Variants in ANXA10 observed in about 807,000 individuals in gnomAD.
The protein encoded by ANXA10 is annexin A10.
Under a neutral mutation model 53.5 loss-of-function variants are expected in ANXA10, and 49 were observed. The ratio of observed to expected loss-of-function variants is 0.92; its 90% confidence interval spans 0.73 to 1.16. The LOEUF (loss-of-function observed/expected upper bound fraction) is 1.16. Among genes scored for constraint, ANXA10 ranks in the 50% most tolerant of loss-of-function variants. The pLI, the probability that ANXA10 is intolerant of heterozygous loss-of-function variation, is 0.00. For synonymous variants in ANXA10, 131 were observed against 128.9 expected (o/e 1.02, Z -0.11); for missense variants, 393 against 394.4 (o/e 1.00, Z 0.03).
intron 1 of ANXA10, among the ~76,000 whole-genome samples, chr4:168,120,663 T>A (rs1286785882): frequency 1.3e-5 from 2 of 152,048 alleles, no homozygotes; most frequent in African/African-American, 2.4e-5. Context: ...TGTGGGAGGT[T>A]CAATATCCTC....
intron 6 of ANXA10, among the ~76,000 whole-genome samples, chr4:168,166,432 AT>A (rs957052575): frequency 5.3e-5 from 8 of 152,342 alleles, no homozygotes; most frequent in East Asian, 1.9e-4. Context: ...TACAAATAAT[AT>A]TTTTAAAGAT....
intron 6 of ANXA10, among the ~76,000 whole-genome samples, chr4:168,176,575 G>A (rs903027330): frequency 7.2e-5 from 11 of 152,082 alleles, no homozygotes; most frequent in Admixed American, 1.3e-4. Flanking sequence ...ATCAGGAACC[G>A]GTAAGAAATT....
At chr4:168,110,417 G>A (rs1730789543) in intron 1 of ANXA10, among the ~76,000 whole-genome samples, 1 of 150,060 alleles carries the variant, frequency 6.7e-6, no homozygotes, top group Non-Finnish European at 1.5e-5. Context: ...TATTAACGAT[G>A]CTACAACATT....
At chr4:168,139,657 T>C in intron 3 of ANXA10, 77 bp downstream of exon 3, 1 of 1,085,980 alleles carries the variant, frequency 9.2e-7, no homozygotes, top group East Asian at 2.5e-5. Flanking sequence ...ATAGGTATTT[T>C]TTTTTTCAAT....
intron 1 of ANXA10, among the ~76,000 whole-genome samples, chr4:168,101,586 C>A (rs1156411243): frequency 6.6e-6 from 1 of 151,858 alleles, no homozygotes; most frequent in East Asian, 1.9e-4. Context: ...TTATTCCAGC[C>A]CTAGAATTAA....
intron 3 of ANXA10, among the ~76,000 whole-genome samples, chr4:168,160,412 T>C (rs889294991): frequency 1.3e-5 from 2 of 152,176 alleles, no homozygotes; most frequent in Non-Finnish European, 2.9e-5. Flanking sequence ...AATAGCTGCA[T>C]AGTATTCCAT....
chr4:168,154,474 A>T (rs1365931452), intron 3 of ANXA10, among the ~76,000 whole-genome samples: 1 of 152,184 alleles, frequency 6.6e-6, no homozygotes, highest in Non-Finnish European at 1.5e-5. Flanking sequence ...AAATATAATA[A>T]ACGCAAAGAT....
At chr4:168,187,284 T>C (rs1732388644) in intron 11 of ANXA10, 82 bp from the exon 12 acceptor site, 7 of 859,764 alleles carry the variant, frequency 8.1e-6, no homozygotes, top group African/African-American at 5.2e-5. Context: ...GGCTCTTTCA[T>C]AGTGCAGTCC....
Position 168,165,251 on chromosome 4 carries a change from C to A in ANXA10, c.405C>A (p.Tyr135Ter). The A allele has an allele frequency of 6.4e-7, 1 of 1,566,490 alleles. No homozygotes were observed. Among genetic ancestry groups the A allele is most frequent in the Non-Finnish European group, 8.7e-7 (1 of 1,143,354 alleles). ...TTAACATGTTTTCTTATACAGAATACAGCAATAACCTCCAAGAGGACATTT... is the reference window on the plus strand; with the variant it reads ...TTAACATGTTTTCTTATACAGAATAAAGCAATAACCTCCAAGAGGACATTT... ...FQMREAYCLQ[Y>*]SNNLQEDIYS... Residue 135 changes from tyrosine to a stop codon, truncating the protein, a stop_gained, in exon 6 of 12, where the codon TAC becomes TAA. Coordinates refer to ENST00000359299, the MANE Select transcript of ANXA10 (RefSeq NM_007193.5). LOFTEE classifies it high-confidence loss of function.
rs542497934 is a variant in ANXA10, at chr4:168,158,973, T to C, written c.196-3555T>C. Among the ~76,000 whole-genome samples, 69 of 152,234 alleles carry C rather than the reference T, an allele frequency of 4.5e-4. 1 individual carries two copies. Among genetic ancestry groups the C allele is most frequent in the African/African-American group, 1.5e-3 (64 of 41,548 alleles). ...TCCTCCCTCCAGCTCTTGCTCCCCC[T>C]TTGCCTTCTGCCATGATTGTAAGCT... is the stretch of plus-strand genomic sequence containing the variant. On this transcript the variant is annotated intron_variant, in intron 3 of 11. Coordinates refer to ENST00000359299, the MANE Select transcript of ANXA10 (RefSeq NM_007193.5).
At chr4:168,150,393 C>T (rs1731477047) in intron 3 of ANXA10, among the ~76,000 whole-genome samples, 1 of 152,192 alleles carries the variant, frequency 6.6e-6, no homozygotes. Context: ...GCAACTTGCA[C>T]AAACATTTTT....
intron 10 of ANXA10, among the ~76,000 whole-genome samples, chr4:168,182,240 A>T (rs1348238625): frequency 4.7e-5 from 7 of 150,274 alleles, no homozygotes; most frequent in Non-Finnish European, 7.4e-5. Flanking sequence ...CATAAACTCT[A>T]AATCTATTTT....
chr4:168,162,457 T>C (rs1731801767), intron 3 of ANXA10, 71 bp from the exon 4 acceptor site: 1 of 1,049,086 alleles, frequency 9.5e-7, no homozygotes, highest in Admixed American at 2.0e-5. Flanking sequence ...TTAAAAGACT[T>C]TCTGCAATTA....
chr4:168,139,658 T>C (rs769000664), intron 3 of ANXA10, 78 bp downstream of exon 3: 22 of 1,087,580 alleles, frequency 2.0e-5, no homozygotes, highest in Non-Finnish European at 2.6e-5. Context: ...TAGGTATTTT[T>C]TTTTTCAATC....
chr4:168,156,067 A>ATATTATATATATTATATATAATATT (rs1560784259), intron 3 of ANXA10, among the ~76,000 whole-genome samples: 13 of 60,992 alleles, frequency 2.1e-4, no homozygotes, highest in African/African-American at 7.5e-4. Flanking sequence ...TATATATCAT[A>ATATTATATATATTATATATAATATT]TATTATATAT....
At position 168,139,519 on chromosome 4, in the gene ANXA10, C is replaced by T; in HGVS notation, c.134C>T (p.Thr45Ile). The T allele has an allele frequency of 6.2e-7, 1 of 1,613,006 alleles. No individual in the cohort carries two copies. The highest frequency in any genetic ancestry group is 8.5e-7 in the Non-Finnish European group (1 of 1,179,166). The stretch of plus-strand genomic sequence containing the variant: ...AAAGACATGCTGATCAACATTCTGA[C>T]TCAGCGCTGCAATGCACAAAGGATG... ...CDKDMLINILTQRCNAQRMMI... is the reference protein window; with the variant it reads ...CDKDMLINILIQRCNAQRMMI... The change falls in exon 3 of 12, where the codon ACT (threonine) becomes ATT (isoleucine). Residue 45 changes from threonine to isoleucine, a missense_variant. Thr to Ile is a moderately conservative substitution (Grantham distance 89). Coordinates refer to ENST00000359299, the MANE Select transcript of ANXA10 (RefSeq NM_007193.5).
chr4:168,095,927 G>A (rs775117165), intron 1 of ANXA10, among the ~76,000 whole-genome samples: 2 of 152,152 alleles, frequency 1.3e-5, no homozygotes, highest in Non-Finnish European at 2.9e-5. Flanking sequence ...TTTGACTCAT[G>A]AGTTTGCCTC....
intron 3 of ANXA10, among the ~76,000 whole-genome samples, chr4:168,142,252 C>G (rs1013273728): frequency 1.3e-5 from 2 of 152,100 alleles, no homozygotes; most frequent in Non-Finnish European, 2.9e-5. Flanking sequence ...ATGGAATAAA[C>G]CTAATGCCTT....
chr4:168,157,757 A>C (rs1323176573), intron 3 of ANXA10, among the ~76,000 whole-genome samples: 3 of 152,160 alleles, frequency 2.0e-5, no homozygotes, highest in Non-Finnish European at 4.4e-5. Flanking sequence ...TCATTTTCTC[A>C]GAATAATGTT....
Sources: gnomAD v4.1 joint callset for allele counts (sites outside exome capture counted in the v4.1 genomes callset) on GRCh38, gnomAD v4.1.1 for gene constraint, MANE v1.5 for transcripts, NCBI Gene and HGNC (gene_info 2026-07-23, HGNC 2026-07-21) for gene names.